SNRNP48: variants seen among roughly 807,000 people sequenced by gnomAD.
The protein encoded by SNRNP48 is small nuclear ribonucleoprotein U11/U12 subunit 48.
In SNRNP48, 43 loss-of-function variants were observed where a neutral mutation model predicts 47.0. The observed-to-expected ratio is 0.92, with a 90% CI of 0.72 to 1.18. The LOEUF (loss-of-function observed/expected upper bound fraction) is 1.18, where lower values mean the gene tolerates loss of function less well. Among genes scored for constraint, SNRNP48 ranks in the 50% most tolerant of loss-of-function variants. The probability of loss-of-function intolerance (pLI) is 0.00; values close to 1 mark genes in which losing one functional copy is unlikely to be tolerated. For synonymous variants in SNRNP48, 138 were observed against 144.0 expected (o/e 0.96, Z 0.30); for missense variants, 396 against 422.2 (o/e 0.94, Z 0.54).
chr6:7,605,008 A>ACTCTCT (rs35999016), intron 6 of SNRNP48, among the ~76,000 whole-genome samples: 4 of 148,156 alleles, frequency 2.7e-5, no homozygotes, highest in African/African-American at 9.9e-5. Flanking sequence ...TCTCATTGGC[A>ACTCTCT]CTCTCTCTCT....
rs771215685 is a variant in SNRNP48 at position 7,606,099 on chromosome 6, G to A, written c.875G>A (p.Cys292Tyr). 6.8e-6 allele frequency: 11 copies of A among 1,613,786 alleles called. No individual in the cohort carries two copies. The highest frequency in any genetic ancestry group is 9.3e-6 in the Non-Finnish European group (11 of 1,179,920). The change falls in exon 8 of 9, where the codon TGT becomes TAT. Residue 292 changes from cysteine to tyrosine, a missense_variant. Physicochemically the swap from Cys to Tyr is radical, Grantham distance 194. Coordinates refer to ENST00000342415, the MANE Select transcript of SNRNP48 (RefSeq NM_152551.4). ...GGTGGAAGCTATTTGGATGCTGAGT[G>A]TTCACGACATAGAAGGGATAGGAGT... Reference protein sequence around the residue: ...QSGGSYLDAECSRHRRDRSRS... With the variant: ...QSGGSYLDAEYSRHRRDRSRS...
chr6:7,593,763 C>T lies in SNRNP48; in HGVS notation c.186C>T (p.Ser62=), dbSNP rs1288461912. ...EDEVVICPYD[S]NHHMPKSSLA... ...AAGTTGTGATATGTCCATACGATTC[C>T]AATCATCACATGCCTAAATCATCTT... Residue 62 remains serine (S), a synonymous_variant, in exon 2 of 9, where the codon TCC becomes TCT. Coordinates refer to ENST00000342415, the MANE Select transcript of SNRNP48 (RefSeq NM_152551.4). The T allele has an allele frequency of 8.8e-6, 14 of 1,597,802 alleles. No homozygotes were observed. The highest frequency in any genetic ancestry group is 1.2e-5 in the Non-Finnish European group (14 of 1,172,614).
Position 7,611,924 on chromosome 6 carries a change from C to T in SNRNP48, c.*3051C>T, listed in dbSNP as rs1760244860. Reference sequence around the variant, plus strand: ...GCTTTTTCATTTGCTATAATTGATCCTGCAGGTGTGTGAATTATTAAACTA... The same window carrying T: ...GCTTTTTCATTTGCTATAATTGATCTTGCAGGTGTGTGAATTATTAAACTA... On this transcript the variant is annotated 3_prime_UTR_variant, in exon 9 of 9. Coordinates refer to ENST00000342415, the MANE Select transcript of SNRNP48 (RefSeq NM_152551.4). The T allele has an allele frequency of 6.6e-6, 1 of 152,144 alleles. No homozygotes were observed. The allele number at this position is 152,144 out of a possible 1,614,324, so 9.4% of individuals were successfully genotyped here. A position where few individuals can be genotyped will look rare whatever the true frequency, so the allele number is the denominator to read the frequency against.
chr6:7,595,556 A>C (rs1759890079), intron 4 of SNRNP48, among the ~76,000 whole-genome samples: 1 of 152,224 alleles, frequency 6.6e-6, no homozygotes, highest in African/African-American at 2.4e-5. Context: ...CGGTATTTTC[A>C]GTTTATGATG....
chr6:7,605,558 A>C (rs1760111348), intron 7 of SNRNP48, 72 bp downstream of exon 7: 7 of 1,407,806 alleles, frequency 5.0e-6, no homozygotes, highest in South Asian at 2.4e-5. Flanking sequence ...ATAATTGTTA[A>C]ATTTTAGCAT....
chr6:7,601,816 T>C (rs192872873), intron 5 of SNRNP48, among the ~76,000 whole-genome samples: 44 of 152,276 alleles, frequency 2.9e-4, no homozygotes, highest in Non-Finnish European at 5.3e-4. Flanking sequence ...TAACAACTAT[T>C]CATGCAGCAT....
intron 6 of SNRNP48, 144 bp from the exon 7 acceptor site, chr6:7,605,254 T>TA: frequency 1.6e-6 from 1 of 614,624 alleles, no homozygotes. Flanking sequence ...CTTTTCTGTG[T>TA]TCTCTAAACT....
At position 7,608,959 on chromosome 6, in the gene SNRNP48, G is replaced by T; in HGVS notation, c.*86G>T. On this transcript the variant is annotated 3_prime_UTR_variant, in exon 9 of 9. Transcript: ENST00000342415. The stretch of plus-strand genomic sequence containing the variant: ...TTAATTGGAATTCCTTTGCATAGGA[G>T]AATGTTTTTATGATCTGTTTAGTGC... 2 of 721,420 alleles carry T rather than the reference G, an allele frequency of 2.8e-6. No individual in the cohort carries two copies. Among genetic ancestry groups the T allele is most frequent in the Non-Finnish European group, 4.2e-6 (2 of 474,956 alleles). 44.7% of individuals were successfully genotyped at this position (721,420 alleles called of 1,614,324 possible).
At chr6:7,601,034 C>T (rs1299720519) in intron 4 of SNRNP48, 1 of 206,854 alleles carries the variant, frequency 4.8e-6, no homozygotes, top group Non-Finnish European at 9.5e-6. Flanking sequence ...ACCCAAAAGG[C>T]TTTCTTAGAG....
intron 1 of SNRNP48, 87 bp from the exon 2 acceptor site, chr6:7,593,647 T>C: frequency 1.2e-6 from 1 of 819,932 alleles, no homozygotes; most frequent in Middle Eastern, 3.6e-4. Flanking sequence ...ACAGTACTGG[T>C]ACATAATTAA....
chr6:7,595,211 A>G, intron 4 of SNRNP48, 110 bp downstream of exon 4: 1 of 913,038 alleles, frequency 1.1e-6, no homozygotes, highest in Non-Finnish European at 1.6e-6. Context: ...TACATGGGAA[A>G]GGTAAAGTTT....
Position 7,608,972 on chromosome 6 carries a change from A to G in SNRNP48, c.*99A>G, listed in dbSNP as rs1760182761. 1.6e-6 allele frequency: 1 copy of G among 626,224 alleles called. No homozygotes were observed. Among genetic ancestry groups the G allele is most frequent in the Non-Finnish European group, 2.5e-6 (1 of 393,790 alleles). The allele number at this position is 626,224 out of a possible 1,614,324, so 38.8% of individuals were successfully genotyped here. On this transcript the variant is annotated 3_prime_UTR_variant, in exon 9 of 9. Transcript: ENST00000342415. ...CTTTGCATAGGAGAATGTTTTTATG[A>G]TCTGTTTAGTGCTTATTATTTTTTT... is the stretch of plus-strand genomic sequence containing the variant.
At chr6:7,598,013 T>C (rs896486559) in intron 4 of SNRNP48, among the ~76,000 whole-genome samples, 7 of 151,596 alleles carry the variant, frequency 4.6e-5, no homozygotes, top group South Asian at 4.2e-4. Context: ...TACAGGCACC[T>C]GCCACCACGC....
intron 4 of SNRNP48, among the ~76,000 whole-genome samples, chr6:7,597,381 C>G (rs960923079): frequency 1.4e-4 from 22 of 152,300 alleles, no homozygotes; most frequent in African/African-American, 5.1e-4. Context: ...TCTCTGCATA[C>G]TAATCGTGAC....
rs1760108156 is a variant in SNRNP48 at position 7,605,445 on chromosome 6, T to C, written c.765T>C (p.His255=). The change falls in exon 7 of 9, where the codon CAT becomes CAC. Residue 255 remains histidine, a synonymous_variant. Coordinates refer to ENST00000342415, the MANE Select transcript of SNRNP48 (RefSeq NM_152551.4). ...TGCACATGGAAGAACTCAGCAATCATTGGCAAGAAGAGCAAGAGAAGGCAG... is the reference window on the plus strand; with the variant it reads ...TGCACATGGAAGAACTCAGCAATCACTGGCAAGAAGAGCAAGAGAAGGCAG... The part of the protein sequence containing the change: ...INVHMEELSN[H]WQEEQEKAED... 6.2e-7 allele frequency: 1 copy of C among 1,614,094 alleles called. No homozygotes were observed. Among genetic ancestry groups the C allele is most frequent in the Non-Finnish European group, 8.5e-7 (1 of 1,179,984 alleles).
chr6:7,605,417 A>G lies in SNRNP48; in HGVS notation c.737A>G (p.Asn246Ser), dbSNP rs1760107585. The change falls in exon 7 of 9, where the codon AAT (asparagine) becomes AGT (serine). Residue 246 changes from asparagine to serine, a missense_variant. Coordinates refer to ENST00000342415, the MANE Select transcript of SNRNP48 (RefSeq NM_152551.4). ...SYTEVIRDVI[N>S]VHMEELSNHW... is the part of the protein sequence containing the mutation. ...CCCAAGGTGATTCGAGATGTGATAA[A>G]TGTGCACATGGAAGAACTCAGCAAT... 3.1e-6 allele frequency: 5 copies of G among 1,614,112 alleles called. No individual in the cohort carries two copies. Among genetic ancestry groups the G allele is most frequent in the Non-Finnish European group, 4.2e-6 (5 of 1,179,994 alleles).
intron 4 of SNRNP48, among the ~76,000 whole-genome samples, chr6:7,595,571 T>G (rs1393660053): frequency 5.3e-5 from 8 of 152,246 alleles, no homozygotes. Context: ...ATGATGGGTT[T>G]ATCGGGATGT....
At chr6:7,593,907 A>C (rs1759861137) in intron 2 of SNRNP48, 60 bp downstream of exon 2, 2 of 1,303,746 alleles carry the variant, frequency 1.5e-6, no homozygotes, top group Non-Finnish European at 2.1e-6. Flanking sequence ...ACATTAATTC[A>C]CAATTTTTGG....
intron 8 of SNRNP48, among the ~76,000 whole-genome samples, chr6:7,606,488 T>C (rs906058324): frequency 6.6e-6 from 1 of 152,370 alleles, no homozygotes; most frequent in Non-Finnish European, 1.5e-5. Context: ...GGACATTAAC[T>C]GTTAAACACG....
Sources: allele counts gnomAD v4.1 joint callset (sites outside exome capture counted in the v4.1 genomes callset), GRCh38; gene constraint gnomAD v4.1.1; transcripts MANE v1.5; gene names NCBI Gene and HGNC (gene_info 2026-07-23, HGNC 2026-07-21).